Variants in NINL observed in about 807,000 individuals in gnomAD.
NINL encodes ninein-like protein.
A neutral mutation model predicts 160.3 loss-of-function variants in NINL; 153 were observed. The observed-to-expected ratio is 0.95, with a 90% confidence interval of 0.84 to 1.09. The LOEUF (loss-of-function observed/expected upper bound fraction) is 1.09. Among genes scored for constraint, NINL ranks in the 50% least tolerant of loss-of-function variants. The pLI, the probability that NINL is intolerant of heterozygous loss-of-function variation, is 0.00. For synonymous variants in NINL, 800 were observed against 734.8 expected, an observed-to-expected ratio of 1.09 and a Z score of -1.43; for missense variants, 1,829 against 1,764.0, an observed-to-expected ratio of 1.04 and a Z score of -0.66.
intron 1 of NINL, among the ~76,000 whole-genome samples, chr20:25,560,558 C>A (rs1323124642): frequency 6.6e-6 from 1 of 152,166 alleles, no homozygotes; most frequent in African/African-American, 2.4e-5. Context: ...CTGCAACAGC[C>A]AGTAATCTGC....
intron 16 of NINL, among the ~76,000 whole-genome samples, chr20:25,478,373 G>C (rs908558080): frequency 6.6e-6 from 1 of 152,236 alleles, no homozygotes. Flanking sequence ...CAGCCTGTCT[G>C]CGATGACCAG....
At chr20:25,460,477 A>C (rs2146314328) in intron 21 of NINL, among the ~76,000 whole-genome samples, 1 of 152,286 alleles carries the variant, frequency 6.6e-6, no homozygotes, top group Non-Finnish European at 1.5e-5. Flanking sequence ...GGTGCCTCCC[A>C]GCGCCAGGTG....
Position 25,476,624 on chromosome 20 carries a change from C to T in NINL, c.2667G>A (p.Gln889=). 6.3e-7 allele frequency: 1 copy of T among 1,592,670 alleles called. No homozygotes were observed. The highest frequency in any genetic ancestry group is 8.5e-7 in the Non-Finnish European group (1 of 1,176,332). The part of the protein sequence containing the change: ...RRQAQDTEAT[Q]SPAPAPAPAS... ...CCGGGGCAGGGGCGGGGGCCGGGCT[C>T]TGCGTAGCTTCTGTGTCCTGGGCTT... Residue 889 remains glutamine, a synonymous_variant, in exon 17 of 24, where the codon CAG becomes CAA. Coordinates refer to ENST00000278886, the MANE Select transcript of NINL (RefSeq NM_025176.6).
At chr20:25,545,095 A>G (rs1023785723) in intron 1 of NINL, among the ~76,000 whole-genome samples, 1 of 152,130 alleles carries the variant, frequency 6.6e-6, no homozygotes, top group Admixed American at 6.5e-5. Flanking sequence ...TTTCCTGAAG[A>G]GGTTTTCTGG....
intron 1 of NINL, among the ~76,000 whole-genome samples, chr20:25,576,519 G>A (rs1288249212): frequency 6.6e-6 from 1 of 152,138 alleles, no homozygotes; most frequent in Non-Finnish European, 1.5e-5. Context: ...GAGTGCGGTG[G>A]TGCATCCCCA....
chr20:25,556,075 G>T (rs571146513), intron 1 of NINL, among the ~76,000 whole-genome samples: 148 of 151,872 alleles, frequency 9.7e-4, no homozygotes, highest in Non-Finnish European at 1.9e-3. Context: ...GAGCCCAGAA[G>T]TTCAAGACCA....
At chr20:25,560,981 T>TTTCCACGGTCTCC (rs2147130663) in intron 1 of NINL, among the ~76,000 whole-genome samples, 1 of 126,894 alleles carries the variant, frequency 7.9e-6, no homozygotes, top group Non-Finnish European at 1.8e-5. Flanking sequence ...TCTCCCTCTC[T>TTTCCACGGTCTCC]CTCTCCCTCC....
chr20:25,564,805 TAAAA>T (rs11411276), intron 1 of NINL, among the ~76,000 whole-genome samples: 1 of 142,782 alleles, frequency 7.0e-6, no homozygotes, highest in Non-Finnish European at 1.5e-5. Context: ...TCCCCACAAT[TAAAA>T]AAAAAAAAAA....
intron 9 of NINL, among the ~76,000 whole-genome samples, chr20:25,497,421 G>A (rs1270058476): frequency 2.0e-5 from 3 of 152,218 alleles, no homozygotes; most frequent in Non-Finnish European, 4.4e-5. Flanking sequence ...GAGGGACCTG[G>A]GCAAGCCTTT....
chr20:25,481,393 T>A (rs2063385335), intron 14 of NINL, among the ~76,000 whole-genome samples: 1 of 152,142 alleles, frequency 6.6e-6, no homozygotes, highest in Non-Finnish European at 1.5e-5. Context: ...ACCCCCATTC[T>A]CTCTGCAGAG....
chr20:25,523,508 C>T lies in NINL; in HGVS notation c.180+2900G>A, dbSNP rs548582325. On this transcript the variant is annotated intron_variant, in intron 2 of 23. Transcript: ENST00000278886. ...ACTTAAGCAATCCTCTCACATTGGC[C>T]TCCCAAAGTGCTGGGATTACATGTG... Among the ~76,000 whole-genome samples the T allele has an allele frequency of 6.6e-5, 10 of 152,308 alleles. No homozygotes were observed. The South Asian group carries it at 2.1e-3, about 32-fold the overall frequency.
At chr20:25,576,828 T>C (rs931841282) in intron 1 of NINL, among the ~76,000 whole-genome samples, 2 of 152,214 alleles carry the variant, frequency 1.3e-5, no homozygotes, top group Admixed American at 6.5e-5. Flanking sequence ...TTGGAAATAA[T>C]AAAAATTCAG....
chr20:25,492,588 A>G (rs2146702265), intron 10 of NINL, among the ~76,000 whole-genome samples: 1 of 152,146 alleles, frequency 6.6e-6, no homozygotes, highest in African/African-American at 2.4e-5. Flanking sequence ...AGTAGCTGGG[A>G]CTACAGGCAC....
intron 2 of NINL, among the ~76,000 whole-genome samples, chr20:25,521,547 G>C (rs575825850): frequency 6.6e-6 from 1 of 152,262 alleles, no homozygotes; most frequent in East Asian, 1.9e-4. Flanking sequence ...TTCAGATTTG[G>C]GATGGTGGCA....
At chr20:25,582,395 C>T (rs995591640) in intron 1 of NINL, among the ~76,000 whole-genome samples, 1 of 152,116 alleles carries the variant, frequency 6.6e-6, no homozygotes, top group Non-Finnish European at 1.5e-5. Flanking sequence ...GTAATCCCAG[C>T]ATTTTGGGAG....
chr20:25,486,004 C>G (rs1297369851), intron 13 of NINL, among the ~76,000 whole-genome samples: 1 of 152,266 alleles, frequency 6.6e-6, no homozygotes, highest in Non-Finnish European at 1.5e-5. Context: ...CTGATGTTTC[C>G]TTTGGATTGA....
intron 1 of NINL, among the ~76,000 whole-genome samples, chr20:25,570,724 G>C (rs1375426268): frequency 2.3e-5 from 2 of 87,202 alleles, no homozygotes; most frequent in Admixed American, 1.9e-4. Context: ...TTTTTGAGAA[G>C]GAGTTGCTCA....
chr20:25,520,338 T>C (rs2064241005), intron 2 of NINL, among the ~76,000 whole-genome samples: 1 of 152,194 alleles, frequency 6.6e-6, no homozygotes, highest in Non-Finnish European at 1.5e-5. Context: ...TTTGGGGCCA[T>C]AGGTCCAAGC....
intron 1 of NINL, among the ~76,000 whole-genome samples, chr20:25,545,230 C>T (rs2092871530): frequency 6.6e-6 from 1 of 152,096 alleles, no homozygotes; most frequent in Non-Finnish European, 1.5e-5. Flanking sequence ...CTACATTTTA[C>T]GTAAGATAAG....
Sources: allele counts gnomAD v4.1 joint callset (sites outside exome capture counted in the v4.1 genomes callset), GRCh38; gene constraint gnomAD v4.1.1; transcripts MANE v1.5; gene names NCBI Gene and HGNC (gene_info 2026-07-23, HGNC 2026-07-21).